Variants in HMCN1 observed in about 807,000 individuals in gnomAD.
The protein encoded by HMCN1 is hemicentin 1.
HMCN1 carries 321 observed loss-of-function variants against 625.9 expected under a neutral mutation model. The observed-to-expected ratio is 0.51, with a 90% CI of 0.47 to 0.56. The LOEUF is 0.56. Ranked by LOEUF, HMCN1 falls within the 20% of genes least tolerant of loss-of-function variation. The pLI is 0.00. For synonymous variants in HMCN1, 2,425 were observed against 2,417.6 expected, an observed-to-expected ratio of 1.00 and a Z score of -0.09; for missense variants, 6,588 against 6,887.3, an observed-to-expected ratio of 0.96 and a Z score of 1.54.
In HMCN1 at chr1:185,997,865, A is replaced by G. The variant is rs963517536; in HGVS notation, c.3874+341A>G. On this transcript the variant is annotated intron_variant, in intron 25 of 106. Coordinates refer to ENST00000271588, the MANE Select transcript of HMCN1 (RefSeq NM_031935.3). ...ACAATGTGATAGCTGGAGCTATTCA[A>G]AATATTCCATATTTATCTCAACCAG... is the stretch of plus-strand genomic sequence containing the variant. 1.8e-4 allele frequency among the ~76,000 whole-genome samples: 27 copies of G among 151,712 alleles called. 1 individual carries two copies. Among genetic ancestry groups the G allele is most frequent in the Admixed American group, 5.9e-4 (9 of 15,190 alleles).
chr1:186,036,313 G>C (rs151034810), intron 36 of HMCN1, among the ~76,000 whole-genome samples: 505 of 152,216 alleles, frequency 3.3e-3, no homozygotes, highest in African/African-American at 0.012. Flanking sequence ...GAGGTTTAAT[G>C]GACTCACAGT....
chr1:186,049,033 T>C (rs1656771393), intron 42 of HMCN1, among the ~76,000 whole-genome samples, 194 bp downstream of exon 42: 1 of 152,116 alleles, frequency 6.6e-6, no homozygotes, highest in African/African-American at 2.4e-5. Context: ...ATGAACTTTC[T>C]TGTAACTTAG....
At chr1:186,187,640 T>C (rs1482250854) in intron 105 of HMCN1, among the ~76,000 whole-genome samples, 1 of 152,222 alleles carries the variant, frequency 6.6e-6, no homozygotes, top group African/African-American at 2.4e-5. Flanking sequence ...ATCACTTTTA[T>C]AGCTCTCATT....
intron 57 of HMCN1, among the ~76,000 whole-genome samples, chr1:186,084,917 C>T (rs1020152871): frequency 6.6e-6 from 1 of 152,036 alleles, no homozygotes; most frequent in South Asian, 2.1e-4. Flanking sequence ...AAGTAACATG[C>T]TCAAAATTAC....
In HMCN1 at chr1:185,889,521, G is replaced by C. The variant is rs1358952058; in HGVS notation, c.622-19816G>C. ...TTTATTGAGAGTTTTTAGCATGAAG[G>C]GTTGTTGAATTTTGTCAAAGGCCTT... On this transcript the variant is annotated intron_variant, in intron 4 of 106. Coordinates refer to ENST00000271588, the MANE Select transcript of HMCN1 (RefSeq NM_031935.3). Among the ~76,000 whole-genome samples, 93 of 139,768 alleles carry C rather than the reference G, an allele frequency of 6.7e-4. 2 individuals carry two copies. The highest frequency in any genetic ancestry group is 7.2e-3 in the Middle Eastern group (2 of 278). 91.7% of individuals were successfully genotyped at this position (139,768 alleles called of 152,430 possible).
In HMCN1 at chr1:186,067,989, A is replaced by T. The variant is rs1218728356; in HGVS notation, c.7861A>T (p.Asn2621Tyr). 1 of 1,613,484 alleles carries T rather than the reference A, an allele frequency of 6.2e-7. No individual in the cohort carries two copies. Among genetic ancestry groups the T allele is most frequent in the African/African-American group, 1.3e-5 (1 of 75,018 alleles). The change falls in exon 50 of 107, where the codon AAT becomes TAT. Residue 2621 changes from asparagine to tyrosine, a missense_variant. Coordinates refer to ENST00000271588, the MANE Select transcript of HMCN1 (RefSeq NM_031935.3). The stretch of plus-strand genomic sequence containing the variant: ...TGGCACTCCTTTAGAATCTAACCGA[A>T]ATATTCGTATTCTTCCAGGTAATTC... ...KDGTPLESNRNIRILPGGRTL... is the reference protein window; with the variant it reads ...KDGTPLESNRYIRILPGGRTL...
At chr1:185,817,177 A>C (rs1364883750) in intron 1 of HMCN1, among the ~76,000 whole-genome samples, 1 of 152,184 alleles carries the variant, frequency 6.6e-6, no homozygotes, top group Non-Finnish European at 1.5e-5. Flanking sequence ...CAGGGATGAC[A>C]TGTTGTGTGT....
At chr1:185,983,903 G>A (rs1558117330) in intron 18 of HMCN1, among the ~76,000 whole-genome samples, 2 of 152,152 alleles carry the variant, frequency 1.3e-5, no homozygotes, top group Non-Finnish European at 2.9e-5. Flanking sequence ...TTAAACAAGT[G>A]ATGTCTATAT....
At position 186,082,169 on chromosome 1, in the gene HMCN1, A is replaced by G. The variant is rs376351504; in HGVS notation, c.8788-696A>G. Among the ~76,000 whole-genome samples the G allele has an allele frequency of 2.0e-5, 3 of 152,144 alleles. No homozygotes were observed. In the South Asian group the frequency reaches 6.3e-4, roughly 32 times the overall value. On this transcript the variant is annotated intron_variant, in intron 56 of 106. Transcript: ENST00000271588. ...CTGTGTCCAAGTCCAAAAGATATATAGTTGGATAGAAATTTCTATGTAATA... is the reference window on the plus strand; with the variant it reads ...CTGTGTCCAAGTCCAAAAGATATATGGTTGGATAGAAATTTCTATGTAATA...
intron 93 of HMCN1, among the ~76,000 whole-genome samples, chr1:186,146,778 C>T (rs1650342335): frequency 1.3e-5 from 2 of 152,072 alleles, no homozygotes; most frequent in African/African-American, 4.8e-5. Context: ...TCAGTTGATG[C>T]ACTTTGTAGC....
chr1:185,797,598 T>G (rs1244938240), intron 1 of HMCN1, among the ~76,000 whole-genome samples: 1 of 152,226 alleles, frequency 6.6e-6, no homozygotes, highest in Admixed American at 6.5e-5. Context: ...AATATTGATA[T>G]GTAAGGTTTT....
intron 1 of HMCN1, among the ~76,000 whole-genome samples, chr1:185,755,574 G>A (rs1419771817): frequency 6.6e-6 from 1 of 152,134 alleles, no homozygotes; most frequent in African/African-American, 2.4e-5. Context: ...TGAGCTGCTT[G>A]GACATTCCTA....
At chr1:185,818,209 A>G (rs765260653) in intron 1 of HMCN1, among the ~76,000 whole-genome samples, 11 of 152,122 alleles carry the variant, frequency 7.2e-5, no homozygotes, top group Non-Finnish European at 1.2e-4. Flanking sequence ...TCCAAGCCTC[A>G]CTGTGGCATC....
intron 1 of HMCN1, among the ~76,000 whole-genome samples, chr1:185,757,525 A>C (rs918106895): frequency 1.3e-5 from 2 of 152,190 alleles, no homozygotes; most frequent in African/African-American, 4.8e-5. Context: ...TGGCCACTTT[A>C]TCTGAAGTTG....
chr1:186,118,908 A>T (rs1251523778), intron 77 of HMCN1, among the ~76,000 whole-genome samples: 2 of 152,230 alleles, frequency 1.3e-5, no homozygotes, highest in Non-Finnish European at 2.9e-5. Context: ...TGATGGAAAT[A>T]TTCTAAAATT....
chr1:186,188,108 G>T lies in HMCN1; in HGVS notation c.16541+99G>T, dbSNP rs1653468095. ...AGTCTCTTGTCATGTGTAACTCACA[G>T]GAAGTCACTAACTCCAGGAAGATGT... is the stretch of plus-strand genomic sequence containing the variant. On this transcript the variant is annotated intron_variant, in intron 106 of 106. Transcript: ENST00000271588. The T allele has an allele frequency of 3.6e-6, 5 of 1,382,158 alleles. No homozygotes were observed. The East Asian group carries it at 1.1e-4, about 32-fold the overall frequency. The allele number at this position is 1,382,158 out of a possible 1,614,324, so 85.6% of individuals were successfully genotyped here.
At chr1:185,898,828 A>C (rs1665641315) in intron 4 of HMCN1, among the ~76,000 whole-genome samples, 1 of 152,088 alleles carries the variant, frequency 6.6e-6, no homozygotes, top group Non-Finnish European at 1.5e-5. Flanking sequence ...TTGTGTCTAC[A>C]GCTACTGAAA....
At chr1:185,992,972 A>G (rs1652532324) in intron 22 of HMCN1, among the ~76,000 whole-genome samples, 1 of 152,194 alleles carries the variant, frequency 6.6e-6, no homozygotes, top group Admixed American at 6.6e-5. Context: ...ATTTAAAAGT[A>G]AAATAAAACT....
intron 30 of HMCN1, among the ~76,000 whole-genome samples, chr1:186,011,257 G>A: frequency 6.6e-6 from 1 of 152,136 alleles, no homozygotes; most frequent in East Asian, 1.9e-4. Context: ...GTGTTAGCCA[G>A]GATGGTCTCG....
Sources: gnomAD v4.1 joint callset for allele counts (sites outside exome capture counted in the v4.1 genomes callset) on GRCh38, gnomAD v4.1.1 for gene constraint, MANE v1.5 for transcripts, NCBI Gene and HGNC (gene_info 2026-07-23, HGNC 2026-07-21) for gene names.